Variants in PATJ observed in about 807,000 individuals in gnomAD.
PATJ encodes the protein PATJ crumbs cell polarity complex component.
Under a neutral mutation model 224.9 loss-of-function variants are expected in PATJ, and 190 were observed. That is an observed-to-expected ratio of 0.84 (90% CI 0.75 to 0.95). The LOEUF is 0.95. PATJ is among the 40% of genes least tolerant of loss of function. The pLI is 0.00. For missense variants in PATJ, 2,121 were observed against 2,270.3 expected, an observed-to-expected ratio of 0.93 and a Z score of 1.34; for synonymous variants, 769 against 820.3, an observed-to-expected ratio of 0.94 and a Z score of 1.07.
intron 27 of PATJ, among the ~76,000 whole-genome samples, chr1:61,974,429 T>C (rs1644011923): frequency 1.6e-5 from 2 of 122,678 alleles, no homozygotes; most frequent in Admixed American, 1.6e-4. Flanking sequence ...TTTTTTTTTT[T>C]TGAGATAGAG....
At chr1:61,943,331 T>C (rs1183135010) in intron 27 of PATJ, among the ~76,000 whole-genome samples, 1 of 152,094 alleles carries the variant, frequency 6.6e-6, no homozygotes, top group Admixed American at 6.6e-5. Flanking sequence ...GTCAGGGAAT[T>C]CCCTTTCCTA....
chr1:61,747,901 T>A (rs1346416659), intron 1 of PATJ, among the ~76,000 whole-genome samples: 2 of 152,224 alleles, frequency 1.3e-5, no homozygotes, highest in Admixed American at 1.3e-4. Flanking sequence ...TAAAAAGGAA[T>A]CTAAAATATC....
intron 10 of PATJ, 102 bp downstream of exon 10, chr1:61,795,660 A>C: frequency 1.7e-6 from 1 of 589,020 alleles, no homozygotes; most frequent in Non-Finnish European, 2.9e-6. Flanking sequence ...ATAGTTTTAT[A>C]AGGTTTTTTA....
intron 27 of PATJ, among the ~76,000 whole-genome samples, chr1:61,938,400 A>G (rs1677222557): frequency 6.6e-6 from 1 of 152,150 alleles, no homozygotes; most frequent in Admixed American, 6.5e-5. Context: ...AACAAGAAAC[A>G]AAACAAAACA....
intron 28 of PATJ, among the ~76,000 whole-genome samples, chr1:62,008,399 T>G (rs1646224387): frequency 1.3e-5 from 2 of 152,346 alleles, no homozygotes; most frequent in East Asian, 3.9e-4. Context: ...TAGAATGCCA[T>G]TAAATCACTT....
intron 27 of PATJ, among the ~76,000 whole-genome samples, chr1:61,957,623 C>T (rs1219180555): frequency 1.3e-5 from 2 of 152,164 alleles, no homozygotes; most frequent in Non-Finnish European, 2.9e-5. Flanking sequence ...AAGTTTTCCA[C>T]TTTGTGACCC....
intron 30 of PATJ, among the ~76,000 whole-genome samples, chr1:62,042,843 C>T (rs998390392): frequency 6.6e-6 from 1 of 152,024 alleles, no homozygotes; most frequent in Non-Finnish European, 1.5e-5. Flanking sequence ...GACAGGATCT[C>T]GCCATGTTAC....
intron 39 of PATJ, among the ~76,000 whole-genome samples, chr1:62,124,641 A>G (rs1473917257): frequency 6.6e-6 from 1 of 152,204 alleles, no homozygotes; most frequent in Non-Finnish European, 1.5e-5. Context: ...TCTGAAGGCT[A>G]GATCCAAGAT....
intron 34 of PATJ, among the ~76,000 whole-genome samples, chr1:62,109,923 C>G (rs1187114807): frequency 2.6e-5 from 4 of 152,050 alleles, no homozygotes; most frequent in Non-Finnish European, 4.4e-5. Context: ...TTTTTTTAAA[C>G]TATTTCTGTT....
At chr1:61,907,858 C>T (rs749498713) in intron 24 of PATJ, among the ~76,000 whole-genome samples, 2 of 152,210 alleles carry the variant, frequency 1.3e-5, no homozygotes, top group Non-Finnish European at 2.9e-5. Context: ...TTATTGAACA[C>T]ATAAATAGTT....
intron 14 of PATJ, among the ~76,000 whole-genome samples, chr1:61,817,543 A>G (rs900958413): frequency 6.6e-6 from 1 of 152,198 alleles, no homozygotes; most frequent in African/African-American, 2.4e-5. Context: ...GTGCACCTGT[A>G]ATCCCAGCTG....
intron 28 of PATJ, among the ~76,000 whole-genome samples, chr1:62,016,603 A>G (rs1016347050): frequency 2.6e-5 from 4 of 152,234 alleles, no homozygotes; most frequent in East Asian, 1.9e-4. Flanking sequence ...AGCTATCATC[A>G]TAGTTTATCA....
At chr1:61,976,400 TTTTG>T (rs1323625067) in intron 27 of PATJ, among the ~76,000 whole-genome samples, 1 of 151,934 alleles carries the variant, frequency 6.6e-6, no homozygotes, top group Non-Finnish European at 1.5e-5. Context: ...TGAGGGGTTT[TTTTG>T]TTTGTTTGTT....
rs61653676 is a variant in PATJ at position 62,106,158 on chromosome 1, G to GTATATATATATATATATATATATATA, written c.4378-2275_4378-2250dup. On this transcript the variant is annotated intron_variant, in intron 33 of 43. Coordinates refer to ENST00000642238, the MANE Select transcript of PATJ (RefSeq NM_001350145.3). Reference sequence around the variant, plus strand: ...TACATGTGTATATGTGTGTGTGTGTGTATATATATATATATATATATATAT... The same window carrying GTATATATATATATATATATATATATA: ...TACATGTGTATATGTGTGTGTGTGTGTATATATATATATATATATATATATATATATATATATATATATATATATAT... Among the ~76,000 whole-genome samples, 81 of 48,036 alleles carry GTATATATATATATATATATATATATA rather than the reference G, an allele frequency of 1.7e-3. 4 individuals carry two copies. The highest frequency in any genetic ancestry group is 2.4e-3 in the Non-Finnish European group (55 of 22,794). 31.5% of individuals were successfully genotyped at this position (48,036 alleles called of 152,430 possible).
At chr1:62,117,104 A>ATTTCTG in intron 36 of PATJ, 28 bp from the exon 37 acceptor site, 1 of 1,576,384 alleles carries the variant, frequency 6.3e-7, no homozygotes, top group South Asian at 1.1e-5. Context: ...ACTACTTTTC[A>ATTTCTG]TTTCTGTTCT....
intron 27 of PATJ, among the ~76,000 whole-genome samples, chr1:61,959,438 TC>T (rs1254081371): frequency 0.079 from 4,453 of 56,142 alleles, 346 homozygotes; most frequent in African/African-American, 0.21. Flanking sequence ...TTTTTTCTTT[TC>T]TTTTTTTTTT....
intron 21 of PATJ, among the ~76,000 whole-genome samples, chr1:61,880,231 G>A (rs1285650507): frequency 6.6e-6 from 1 of 152,174 alleles, no homozygotes; most frequent in Non-Finnish European, 1.5e-5. Flanking sequence ...CTCTCCACTA[G>A]AATGCTAGCT....
At chr1:61,945,381 G>C (rs1222313489) in intron 27 of PATJ, among the ~76,000 whole-genome samples, 1 of 150,584 alleles carries the variant, frequency 6.6e-6, no homozygotes, top group Non-Finnish European at 1.5e-5. Flanking sequence ...GATGGAGGAA[G>C]ATCTACCAAG....
rs535107661 is a variant in PATJ, at chr1:62,086,244, A to G, written c.4377+1596A>G. 0.016 allele frequency among the ~76,000 whole-genome samples: 2,164 copies of G among 135,644 alleles called. 29 individuals are homozygous for G. Among genetic ancestry groups the G allele is most frequent in the East Asian group, 0.079 (407 of 5,130 alleles). The allele number at this position is 135,644 out of a possible 152,430, so 89.0% of individuals were successfully genotyped here. A position where few individuals can be genotyped will look rare whatever the true frequency, so the allele number is the denominator to read the frequency against. On this transcript the variant is annotated intron_variant, in intron 33 of 43. Coordinates refer to ENST00000642238, the MANE Select transcript of PATJ (RefSeq NM_001350145.3). This position sits in a 1 kb window ranked among gnomAD's most constrained non-coding sequence, Gnocchi z 4.0. Reference sequence around the variant, plus strand: ...AATTAATGCATGTGTGTGTGTGTGTATGTGTGTGTGTGTGTTTAATACCTG... The same window carrying G: ...AATTAATGCATGTGTGTGTGTGTGTGTGTGTGTGTGTGTGTTTAATACCTG...
Sources: allele counts gnomAD v4.1 joint callset (sites outside exome capture counted in the v4.1 genomes callset), GRCh38; gene constraint gnomAD v4.1.1; non-coding constraint Gnocchi (gnomAD v3.1); transcripts MANE v1.5; gene names NCBI Gene and HGNC (gene_info 2026-07-23, HGNC 2026-07-21).